The following CDYL variants were observed in gnomAD, a reference collection of about 807,000 sequenced individuals.
The protein encoded by CDYL is chromodomain Y like.
A neutral mutation model predicts 47.3 loss-of-function variants in CDYL; 8 were observed. The observed-to-expected ratio is 0.17, with a 90% CI of 0.10 to 0.31. The LOEUF is 0.31. Among genes scored for constraint, CDYL ranks in the 10% least tolerant of loss-of-function variants. The probability of loss-of-function intolerance (pLI) is 1.00; values close to 1 mark genes in which losing one functional copy is unlikely to be tolerated. For missense variants in CDYL, 471 were observed against 701.4 expected, an observed-to-expected ratio of 0.67 and a Z score of 3.71; for synonymous variants, 266 against 265.0, an observed-to-expected ratio of 1.00 and a Z score of -0.04.
intron 2 of CDYL, among the ~76,000 whole-genome samples, chr6:4,905,781 C>G (rs1175643020): frequency 6.6e-6 from 1 of 152,084 alleles, no homozygotes; most frequent in Non-Finnish European, 1.5e-5. Flanking sequence ...ATTTGTTCCC[C>G]TTTTTATTTT....
At chr6:4,883,467 G>T (rs549261598) in intron 1 of CDYL, among the ~76,000 whole-genome samples, 1 of 152,140 alleles carries the variant, frequency 6.6e-6, no homozygotes, top group African/African-American at 2.4e-5. Flanking sequence ...TGGTGCCAGC[G>T]CCTGCACCTG....
chr6:4,814,743 G>A (rs1017131785), intron 1 of CDYL, among the ~76,000 whole-genome samples: 13 of 152,088 alleles, frequency 8.5e-5, no homozygotes, highest in African/African-American at 1.9e-4. Context: ...GGCTGCTCTC[G>A]AACTCCTTGC....
At chr6:4,887,271 TAA>T (rs1761923468) in intron 1 of CDYL, among the ~76,000 whole-genome samples, 1 of 152,196 alleles carries the variant, frequency 6.6e-6, no homozygotes, top group Non-Finnish European at 1.5e-5. Flanking sequence ...ACGTCGAATC[TAA>T]AGATCAATTT....
chr6:4,885,532 A>G (rs1761878409), intron 1 of CDYL, among the ~76,000 whole-genome samples: 1 of 152,142 alleles, frequency 6.6e-6, no homozygotes, highest in African/African-American at 2.4e-5. Flanking sequence ...TATATCCCCC[A>G]CTGATAAGGG....
At chr6:4,868,765 TTC>T (rs150359876) in intron 1 of CDYL, among the ~76,000 whole-genome samples, 1 of 152,338 alleles carries the variant, frequency 6.6e-6, no homozygotes, top group Non-Finnish European at 1.5e-5. Context: ...TGTATTTCAT[TTC>T]TGTCAGTTTT....
intron 1 of CDYL, among the ~76,000 whole-genome samples, chr6:4,803,678 C>T (rs1371245911): frequency 6.6e-6 from 1 of 151,780 alleles, no homozygotes; most frequent in African/African-American, 2.4e-5. Flanking sequence ...CCCTGTCCAG[C>T]ATCAGCACGT....
At chr6:4,716,902 A>G (rs192298969) in intron 2 of CDYL, among the ~76,000 whole-genome samples, 5 of 152,296 alleles carry the variant, frequency 3.3e-5, no homozygotes, top group African/African-American at 1.2e-4. Flanking sequence ...TTGATACCAT[A>G]CAAGTAGCAT....
At chr6:4,769,454 A>C (rs1758304090) in intron 3 of CDYL, among the ~76,000 whole-genome samples, 1 of 152,304 alleles carries the variant, frequency 6.6e-6, no homozygotes, top group South Asian at 2.1e-4. Context: ...TATTTTGCTT[A>C]AGCTGGGGAG....
intron 2 of CDYL, among the ~76,000 whole-genome samples, chr6:4,722,970 A>G (rs1757400034): frequency 6.6e-6 from 1 of 152,212 alleles, no homozygotes. Flanking sequence ...TTGAATGAAA[A>G]TATCAAAATC....
intron 1 of CDYL, among the ~76,000 whole-genome samples, chr6:4,844,102 G>A (rs1302948018): frequency 4.6e-5 from 7 of 152,098 alleles, no homozygotes; most frequent in East Asian, 3.8e-4. Flanking sequence ...TTTCTCTTCC[G>A]GATCTAGTCA....
intron 2 of CDYL, among the ~76,000 whole-genome samples, chr6:4,898,470 G>A (rs1762350939): frequency 6.6e-6 from 1 of 152,184 alleles, no homozygotes; most frequent in Admixed American, 6.5e-5. Flanking sequence ...GTGTTATCTT[G>A]CTTATTCTTT....
intron 3 of CDYL, among the ~76,000 whole-genome samples, chr6:4,760,843 G>A (rs1407351899): frequency 6.6e-6 from 1 of 151,604 alleles, no homozygotes; most frequent in Non-Finnish European, 1.5e-5. Flanking sequence ...AAATCAGTGA[G>A]CCTTCTGGGA....
chr6:4,898,149 T>A (rs1358841338), intron 2 of CDYL, among the ~76,000 whole-genome samples: 1 of 151,848 alleles, frequency 6.6e-6, no homozygotes, highest in Non-Finnish European at 1.5e-5. Context: ...TTGAGCCCAG[T>A]AAATCAAGGC....
intron 1 of CDYL, among the ~76,000 whole-genome samples, chr6:4,800,001 T>C (rs1759180499): frequency 6.6e-6 from 1 of 152,204 alleles, no homozygotes; most frequent in Admixed American, 6.5e-5. Flanking sequence ...CTAGCTTTGG[T>C]ATATCTTTTT....
intron 5 of CDYL, among the ~76,000 whole-genome samples, chr6:4,949,942 G>T (rs1216753226): frequency 6.6e-6 from 1 of 152,170 alleles, no homozygotes; most frequent in Non-Finnish European, 1.5e-5. Context: ...TGCTTGTCCT[G>T]CACATCCAAC....
rs996427812 is a variant in CDYL at position 4,737,355 on chromosome 6, A to C, written c.186+2511A>C. Among the ~76,000 whole-genome samples the C allele has an allele frequency of 3.5e-3, 3 of 846 alleles. No homozygotes were observed. In the Non-Finnish European group the frequency reaches 0.06, roughly 17 times the overall value. 0.6% of individuals were successfully genotyped at this position (846 alleles called of 152,430 possible). On this transcript the variant is annotated intron_variant, in intron 3 of 8. Transcript: ENST00000328908. ...AATAACAAACTTAAGAAATATTTGCAACAAAAATTAAAAGGGGCCAGGCGC... is the reference window on the plus strand; with the variant it reads ...AATAACAAACTTAAGAAATATTTGCCACAAAAATTAAAAGGGGCCAGGCGC...
At position 4,807,435 on chromosome 6, in the gene CDYL, T is replaced by G. The variant is rs368188061; in HGVS notation, c.24+30628T>G. Among the ~76,000 whole-genome samples, 7 of 152,238 alleles carry G rather than the reference T, an allele frequency of 4.6e-5. 2 individuals carry two copies. The highest frequency in any genetic ancestry group is 1.7e-4 in the African/African-American group (7 of 41,540). On this transcript the variant is annotated intron_variant, in intron 1 of 6. Coordinates refer to ENST00000397588, the MANE Select transcript of CDYL (RefSeq NM_004824.4). ...GAAAATAGGGCATTTCTCCTTGAAC[T>G]TTTACCCATCTTTAGCATTCATTCC...
At chr6:4,776,230 C>G (rs1030968002), upstream of CDYL, among the ~76,000 whole-genome samples, 854 of 143,154 alleles carry the variant, frequency 6.0e-3, 6 homozygotes, top group Non-Finnish European at 8.8e-3. Context: ...CTCCCGGCCC[C>G]GCCGGCCGCC....
chr6:4,798,851 G>A lies in CDYL; in HGVS notation c.24+22044G>A, dbSNP rs868536438. Among the ~76,000 whole-genome samples the A allele has an allele frequency of 2.6e-4, 39 of 152,132 alleles. 1 individual carries two copies. The Middle Eastern group carries it at 0.01, about 40-fold the overall frequency. On this transcript the variant is annotated intron_variant, in intron 1 of 6. Coordinates refer to ENST00000397588, the MANE Select transcript of CDYL (RefSeq NM_004824.4). ...ATTCACAGCCTTTAATTAAACATAAGCTAGACTTAACATTTCTCCTTGGGT... is the reference window on the plus strand; with the variant it reads ...ATTCACAGCCTTTAATTAAACATAAACTAGACTTAACATTTCTCCTTGGGT...
Sources: gnomAD v4.1 joint callset for allele counts (sites outside exome capture counted in the v4.1 genomes callset) on GRCh38, gnomAD v4.1.1 for gene constraint, MANE v1.5 for transcripts, NCBI Gene and HGNC (gene_info 2026-07-23, HGNC 2026-07-21) for gene names.